CASP10: variants seen among roughly 807,000 people sequenced by gnomAD.
The protein encoded by CASP10 is caspase 10.
A neutral mutation model predicts 48.5 loss-of-function variants in CASP10; 41 were observed. The observed-to-expected ratio is 0.85, with a 90% CI of 0.66 to 1.10. CASP10 has a LOEUF of 1.10. CASP10 is among the 50% of genes least tolerant of loss of function. The pLI, the probability that CASP10 is intolerant of heterozygous loss-of-function variation, is 0.00. For missense variants in CASP10, 614 were observed against 614.5 expected, an observed-to-expected ratio of 1.00 and a Z score of 0.01; for synonymous variants, 232 against 238.4, an observed-to-expected ratio of 0.97 and a Z score of 0.25.
intron 5 of CASP10, among the ~76,000 whole-genome samples, chr2:201,203,020 A>G (rs1234135386): frequency 6.6e-6 from 1 of 152,110 alleles, no homozygotes; most frequent in African/African-American, 2.4e-5. Flanking sequence ...GAGGTAGTGC[A>G]CTCAAATACC....
intron 5 of CASP10, among the ~76,000 whole-genome samples, chr2:201,199,569 CTTTTTTT>C (rs761866954): frequency 3.0e-4 from 37 of 122,546 alleles, no homozygotes; most frequent in Admixed American, 1.1e-3. Context: ...CTCCTTTAAT[CTTTTTTT>C]TTTTTTTTTT....
intron 6 of CASP10, among the ~76,000 whole-genome samples, chr2:201,205,434 T>A (rs1197489567): frequency 6.6e-6 from 1 of 151,976 alleles, no homozygotes; most frequent in African/African-American, 2.4e-5. Flanking sequence ...TCTCACTAAG[T>A]TGTCCAGGCT....
At chr2:201,190,823 C>T (rs866951157) in intron 3 of CASP10, among the ~76,000 whole-genome samples, 17 of 151,860 alleles carry the variant, frequency 1.1e-4, no homozygotes, top group Middle Eastern at 3.4e-3. Flanking sequence ...TTCTAGAACT[C>T]TACTTGAAGG....
intron 5 of CASP10, among the ~76,000 whole-genome samples, chr2:201,198,733 G>A (rs1437420909): frequency 1.3e-5 from 2 of 149,816 alleles, no homozygotes; most frequent in Non-Finnish European, 1.5e-5. Flanking sequence ...GTAGAGACGG[G>A]GTTTCACCGT....
rs41339144 is a variant in CASP10 at position 201,220,812 on chromosome 2, G to A, written c.*3071G>A. 1.2e-3 allele frequency: 1,224 copies of A among 985,384 alleles called. 18 individuals carry two copies. The East Asian group carries it at 0.055, about 44-fold the overall frequency. The allele number at this position is 985,384 out of a possible 1,614,324, so 61.0% of individuals were successfully genotyped here. A position where few individuals can be genotyped will look rare whatever the true frequency, so the allele number is the denominator to read the frequency against. ...CCAAAAGCTAGTGGTCACAGTCCTT[G>A]TCCAGTTGGCAGAACTGACATGTGA... On this transcript the variant is annotated 3_prime_UTR_variant, in exon 10 of 10. Transcript: ENST00000286186.
At chr2:201,203,947 T>C (rs1388862271) in intron 6 of CASP10, among the ~76,000 whole-genome samples, 181 bp downstream of exon 6, 1 of 152,234 alleles carries the variant, frequency 6.6e-6, no homozygotes, top group Non-Finnish European at 1.5e-5. Context: ...GGCTTTTCTA[T>C]GGCAGTATGG....
At chr2:201,216,128 A>C (rs1329470702) in intron 9 of CASP10, among the ~76,000 whole-genome samples, 1 of 150,922 alleles carries the variant, frequency 6.6e-6, no homozygotes, top group African/African-American at 2.4e-5. Context: ...TAAGTTAATG[A>C]TATTTTAATT....
downstream of CASP10, among the ~76,000 whole-genome samples, chr2:201,226,644 TAAG>T (rs1331479420): frequency 6.7e-6 from 1 of 150,164 alleles, no homozygotes; most frequent in African/African-American, 2.5e-5. Context: ...TACCAGGAGA[TAAG>T]GAGGAAGTGT....
At chr2:201,205,161 G>A (rs932646872) in intron 6 of CASP10, among the ~76,000 whole-genome samples, 1 of 152,072 alleles carries the variant, frequency 6.6e-6, no homozygotes, top group Non-Finnish European at 1.5e-5. Context: ...CTTCAAAGCA[G>A]TGTGATCCTC....
At chr2:201,197,712 C>T (rs1453854567) in intron 5 of CASP10, among the ~76,000 whole-genome samples, 2 of 152,234 alleles carry the variant, frequency 1.3e-5, no homozygotes, top group East Asian at 3.8e-4. Flanking sequence ...ACTGATGACT[C>T]TGAGTGAGGA....
At chr2:201,201,634 A>G (rs1945023452) in intron 5 of CASP10, among the ~76,000 whole-genome samples, 1 of 152,156 alleles carries the variant, frequency 6.6e-6, no homozygotes, top group Non-Finnish European at 1.5e-5. Flanking sequence ...TAGTCGTGGC[A>G]GTACTAGAAG....
At chr2:201,213,551 G>C (rs1452779418) in intron 9 of CASP10, 1 of 152,218 alleles carries the variant, frequency 6.6e-6, no homozygotes, top group Non-Finnish European at 1.5e-5. Context: ...GATTAATAGT[G>C]GGGGGTAGGG....
At chr2:201,224,465 A>C (rs965951567), downstream of CASP10, among the ~76,000 whole-genome samples, 5 of 152,188 alleles carry the variant, frequency 3.3e-5, no homozygotes, top group Admixed American at 3.3e-4. Context: ...ACTAATTTTT[A>C]CTTTTTAAGT....
At chr2:201,189,749 G>A (rs1944541867) in intron 3 of CASP10, among the ~76,000 whole-genome samples, 1 of 152,176 alleles carries the variant, frequency 6.6e-6, no homozygotes. Context: ...TGTAATCCCA[G>A]CACTTTGGGA....
intron 4 of CASP10, among the ~76,000 whole-genome samples, chr2:201,194,609 G>T (rs901882324): frequency 6.6e-6 from 1 of 152,100 alleles, no homozygotes; most frequent in Non-Finnish European, 1.5e-5. Flanking sequence ...TGAGCTCTGA[G>T]TTTTTTTCTA....
downstream of CASP10, among the ~76,000 whole-genome samples, chr2:201,223,326 AC>A (rs1359951108): frequency 2.0e-5 from 3 of 151,952 alleles, no homozygotes; most frequent in Non-Finnish European, 4.4e-5. Flanking sequence ...CCTCTGCTGA[AC>A]CCTTCTAGCA....
At chr2:201,226,592 C>T (rs904264122), downstream of CASP10, among the ~76,000 whole-genome samples, 4 of 151,944 alleles carry the variant, frequency 2.6e-5, no homozygotes, top group South Asian at 2.1e-4. Context: ...AAATTATAGG[C>T]GTGAGCCACC....
Position 201,205,888 on chromosome 2 carries a change from G to C in CASP10, c.728G>C (p.Arg243Thr). The change falls in exon 7 of 10, where the codon AGA becomes ACA. Residue 243 changes from arginine to threonine, a missense_variant. Transcript: ENST00000286186. Reference sequence around the variant, plus strand: ...TGAGTACCTCTCTTTCTAGGTAACAGAGCCACAAATGGTGCACCAAGCCTG... The same window carrying C: ...TGAGTACCTCTCTTTCTAGGTAACACAGCCACAAATGGTGCACCAAGCCTG... Reference protein sequence around the residue: ...QNKHAGSNGNRATNGAPSLVS... With the variant: ...QNKHAGSNGNTATNGAPSLVS... 1.2e-6 allele frequency: 2 copies of C among 1,605,092 alleles called. No homozygotes were observed. Among genetic ancestry groups the C allele is most frequent in the Non-Finnish European group, 1.7e-6 (2 of 1,171,834 alleles).
downstream of CASP10, among the ~76,000 whole-genome samples, chr2:201,225,573 C>T (rs1027799578): frequency 6.6e-6 from 1 of 152,160 alleles, no homozygotes; most frequent in Non-Finnish European, 1.5e-5. Context: ...CCTGAGAAGC[C>T]CCACCTTTTC....
Sources: allele counts gnomAD v4.1 joint callset (sites outside exome capture counted in the v4.1 genomes callset), GRCh38; gene constraint gnomAD v4.1.1; transcripts MANE v1.5; gene names NCBI Gene and HGNC (gene_info 2026-07-23, HGNC 2026-07-21).